Variants in WRAP53 observed in about 807,000 individuals in gnomAD.
The protein encoded by WRAP53 is telomerase Cajal body protein 1.
Under a neutral mutation model 56.6 loss-of-function variants are expected in WRAP53, and 28 were observed. The ratio of observed to expected loss-of-function variants is 0.50; its 90% CI spans 0.37 to 0.68. WRAP53 has a LOEUF of 0.68. WRAP53 is among the 30% of genes least tolerant of loss of function. The pLI is 0.00. For missense variants in WRAP53, 671 were observed against 715.5 expected (o/e 0.94, Z 0.71); for synonymous variants, 283 against 283.4 (o/e 1.00, Z 0.01).
chr17:7,700,066 T>C (rs183294622), intron 4 of WRAP53, among the ~76,000 whole-genome samples: 2 of 151,188 alleles, frequency 1.3e-5, no homozygotes, highest in Non-Finnish European at 3.0e-5. Flanking sequence ...CTTTTTTTTT[T>C]GGGGGGCACT....
chr17:7,699,522 T>TATTTATATATATATATATATA (rs1567577715), intron 4 of WRAP53, among the ~76,000 whole-genome samples: 1 of 14,106 alleles, frequency 7.1e-5, no homozygotes, highest in Non-Finnish European at 1.2e-4. Flanking sequence ...ATATATATAT[T>TATTTATATATATATATATATA]TATATATATA....
Position 7,689,731 on chromosome 17 carries a change from C to T in WRAP53, c.642+30C>T, listed in dbSNP as rs1386165469. The T allele has an allele frequency of 9.1e-6, 14 of 1,533,744 alleles. No individual in the cohort carries two copies. In the South Asian group the frequency reaches 1.5e-4, roughly 16 times the overall value. ...GGACTGGGGCTAACTGCCTCTTCAT[C>T]AATGCTGCACATTTAAGTCCTTCGT... On this transcript the variant is annotated intron_variant, in intron 4 of 10. Transcript: ENST00000396463.
intron 4 of WRAP53, among the ~76,000 whole-genome samples, chr17:7,693,675 A>G (rs6503052): frequency 0.3 from 45,317 of 151,894 alleles, 11,208 homozygotes; most frequent in African/African-American, 0.68. Flanking sequence ...AGCTGATCGC[A>G]CCACTGCACT....
chr17:7,701,763 G>A lies in WRAP53; in HGVS notation c.929G>A (p.Arg310Gln), dbSNP rs764895538. Residue 310 changes from arginine to glutamine, a missense_variant, in exon 7 of 11, where the codon CGA becomes CAA. Transcript: ENST00000396463. The surrounding 1 kb of genome is among the most constrained non-coding windows in gnomAD (Gnocchi z 4.2). ...GTTTTTTCCACGGCCCGGCCTGGCC[G>A]AGACTGCGAGGTCCGAGCCACATTT... Reference protein sequence around the residue: ...VRVFSTARPGRDCEVRATFAK... With the variant: ...VRVFSTARPGQDCEVRATFAK... The A allele has an allele frequency of 8.1e-6, 13 of 1,613,920 alleles. No homozygotes were observed. The highest frequency in any genetic ancestry group is 6.7e-5 in the African/African-American group (5 of 74,940).
rs199701086 is a variant in WRAP53 at position 7,703,402 on chromosome 17, G to C, written c.1563G>C (p.Gly521=). 7 of 1,612,490 alleles carry C rather than the reference G, an allele frequency of 4.3e-6. No homozygotes were observed. In the African/African-American group the frequency reaches 5.4e-5, roughly 12 times the overall value. Residue 521 remains glycine, a synonymous_variant, in exon 11 of 11, where the codon GGG becomes GGC. Transcript: ENST00000396463. The part of the protein sequence containing the change: ...ECRLQLWWCG[G]APDSSIPDDH... Reference sequence around the variant, plus strand: ...GGCTTCAGCTCTGGTGGTGTGGGGGGGCGCCAGACTCCAGCATCCCTGATG... The same window carrying C: ...GGCTTCAGCTCTGGTGGTGTGGGGGCGCGCCAGACTCCAGCATCCCTGATG...
chr17:7,699,494 A>ATTTT lies in WRAP53; in HGVS notation c.643-1246_643-1245insTTTT, dbSNP rs2074239151. ...TATATATTTATATATATATATATAT[A>ATTTT]TATATATTTATATATATATATATAT... is the stretch of plus-strand genomic sequence containing the variant. On this transcript the variant is annotated intron_variant, in intron 4 of 10. Coordinates refer to ENST00000396463, the MANE Select transcript of WRAP53 (RefSeq NM_001143992.2). 1.7e-4 allele frequency among the ~76,000 whole-genome samples: 2 copies of ATTTT among 11,660 alleles called. 1 individual carries two copies. The highest frequency in any genetic ancestry group is 2.8e-4 in the Non-Finnish European group (2 of 7,082). 7.6% of individuals were successfully genotyped at this position (11,660 alleles called of 152,430 possible).
Position 7,688,892 on chromosome 17 carries a change from G to C in WRAP53, c.244G>C (p.Glu82Gln). Reference protein sequence around the residue: ...PVSLSTPLETEFGSPSELSPR... With the variant: ...PVSLSTPLETQFGSPSELSPR... ...TTCTCTCTCCACTCCCCTGGAAACAGAGTTTGGTTCCCCTAGTGAGTTGAG... is the reference window on the plus strand; with the variant it reads ...TTCTCTCTCCACTCCCCTGGAAACACAGTTTGGTTCCCCTAGTGAGTTGAG... Residue 82 changes from glutamate to glutamine, a missense_variant, in exon 2 of 11, where the codon GAG becomes CAG. Glu to Gln is a conservative substitution (Grantham distance 29). This residue lies in a region of WRAP53 where 406 missense variants were observed against 418.5 expected (regional missense o/e 0.97). Coordinates refer to ENST00000396463, the MANE Select transcript of WRAP53 (RefSeq NM_001143992.2). The C allele has an allele frequency of 6.2e-7, 1 of 1,614,238 alleles. No homozygotes were observed. Among genetic ancestry groups the C allele is most frequent in the Non-Finnish European group, 8.5e-7 (1 of 1,180,056 alleles).
intron 4 of WRAP53, among the ~76,000 whole-genome samples, chr17:7,696,074 C>G (rs186833325): frequency 6.6e-6 from 1 of 152,064 alleles, no homozygotes; most frequent in East Asian, 1.9e-4. Context: ...AACAGGGGCG[C>G]CTTGCTTAGC....
In WRAP53 at chr17:7,689,620, T is replaced by C. The variant is rs1047359476; in HGVS notation, c.561T>C (p.Asn187=). ...WAPDGSCILT[N]SADNILRIYN... is the part of the protein sequence containing the mutation. ...CTGACGGTTCCTGCATCTTGACCAA[T>C]AGTGCTGATAACATCTTGCGAATTT... is the stretch of plus-strand genomic sequence containing the variant. The change falls in exon 4 of 11, where the codon AAT becomes AAC. Residue 187 remains asparagine (N), a synonymous_variant. Transcript: ENST00000396463. The C allele has an allele frequency of 1.2e-6, 2 of 1,613,920 alleles. No individual in the cohort carries two copies. The highest frequency in any genetic ancestry group is 1.7e-6 in the Non-Finnish European group (2 of 1,180,002).
chr17:7,689,554 G>T (rs779095345), intron 3 of WRAP53, 36 bp from the exon 4 acceptor site: 1 of 1,594,470 alleles, frequency 6.3e-7, no homozygotes, highest in Non-Finnish European at 8.6e-7. Context: ...GAAAAGCATA[G>T]GTCTGGCCAG....
intron 4 of WRAP53, among the ~76,000 whole-genome samples, chr17:7,698,703 C>T (rs140575436): frequency 0.024 from 3,568 of 151,830 alleles, 54 homozygotes; most frequent in African/African-American, 0.029. Flanking sequence ...GGTGAAACCC[C>T]GTCTCTACTA....
rs1043471019 is a variant in WRAP53 at position 7,688,681 on chromosome 17, G to C, written c.33G>C (p.Pro11=). Residue 11 remains proline, a synonymous_variant, in exon 2 of 11, where the codon CCG becomes CCC. Coordinates refer to ENST00000396463, the MANE Select transcript of WRAP53 (RefSeq NM_001143992.2). The part of the protein sequence containing the change: MKTLETQPLA[P]DCCPSDQDPA... ...CTTTGGAGACTCAACCGTTAGCTCC[G>C]GACTGCTGTCCTTCAGACCAGGACC... 61 of 1,614,050 alleles carry C rather than the reference G, an allele frequency of 3.8e-5. No individual in the cohort carries two copies. The highest frequency in any genetic ancestry group is 4.8e-5 in the Non-Finnish European group (57 of 1,180,038).
At chr17:7,687,072 C>G (rs2074008992), upstream of WRAP53, 1 of 376,138 alleles carries the variant, frequency 2.7e-6, no homozygotes, top group South Asian at 1.5e-4. Flanking sequence ...ACGCCCAGCA[C>G]CGGGTGGATG....
In WRAP53 at chr17:7,688,908, G is replaced by C; in HGVS notation, c.260G>C (p.Ser87Thr). 1 of 1,614,196 alleles carries C rather than the reference G, an allele frequency of 6.2e-7. No individual in the cohort carries two copies. Reference sequence around the variant, plus strand: ...CTGGAAACAGAGTTTGGTTCCCCTAGTGAGTTGAGTCCTCGAATCGAGGAG... The same window carrying C: ...CTGGAAACAGAGTTTGGTTCCCCTACTGAGTTGAGTCCTCGAATCGAGGAG... ...TPLETEFGSP[S>T]ELSPRIEEQE... Residue 87 changes from serine (S) to threonine (T), a missense_variant, in exon 2 of 11, where the codon AGT becomes ACT. Ser to Thr is a moderately conservative substitution (Grantham distance 58). Around this residue, in one of 3 missense-constraint regions of WRAP53, gnomAD observed 406 missense variants for 418.5 expected, o/e 0.97. Coordinates refer to ENST00000396463, the MANE Select transcript of WRAP53 (RefSeq NM_001143992.2).
rs185403670 is a variant in WRAP53 at position 7,698,214 on chromosome 17, A to G, written c.643-2527A>G. On this transcript the variant is annotated intron_variant, in intron 4 of 10. Coordinates refer to ENST00000396463, the MANE Select transcript of WRAP53 (RefSeq NM_001143992.2). ...GAGACCAGTAATTTTACTCTTCAGC[A>G]GAAACTGTAGAGAAACCCTTCTACA... is the stretch of plus-strand genomic sequence containing the variant. Among the ~76,000 whole-genome samples the G allele has an allele frequency of 1.8e-3, 273 of 152,336 alleles. 2 individuals are homozygous for G. Among genetic ancestry groups the G allele is most frequent in the African/African-American group, 6.4e-3 (265 of 41,570 alleles).
intron 4 of WRAP53, among the ~76,000 whole-genome samples, chr17:7,699,550 A>T (rs1240319396): frequency 9.8e-6 from 1 of 102,070 alleles, no homozygotes; most frequent in Non-Finnish European, 2.0e-5. Context: ...TCCTAAGGAA[A>T]TGTATGACAG....
intron 4 of WRAP53, among the ~76,000 whole-genome samples, chr17:7,700,535 G>C (rs2074259830): frequency 6.7e-6 from 1 of 150,094 alleles, no homozygotes; most frequent in African/African-American, 2.5e-5. Context: ...TGCATGCTCT[G>C]TCTCAAAATA....
chr17:7,699,438 ATTTATATATATATATATATT>A (rs2074228470), intron 4 of WRAP53, among the ~76,000 whole-genome samples: 2 of 85,186 alleles, frequency 2.3e-5, no homozygotes, highest in African/African-American at 1.2e-4. Flanking sequence ...AAAAAAAAAA[ATTTATATATATATATATATT>A]TATATATATA....
chr17:7,701,871 C>T lies in WRAP53; in HGVS notation c.955+82C>T. 6.4e-7 allele frequency: 1 copy of T among 1,556,350 alleles called. No individual in the cohort carries two copies. The highest frequency in any genetic ancestry group is 1.2e-5 in the South Asian group (1 of 85,926). On this transcript the variant is annotated intron_variant, in intron 7 of 10. Coordinates refer to ENST00000396463, the MANE Select transcript of WRAP53 (RefSeq NM_001143992.2). The surrounding 1 kb of genome is among the most constrained non-coding windows in gnomAD (Gnocchi z 4.2). ...GGGGCCTTTTGTGAGCCGGGGGCCA[C>T]CTGTGGGGGTTCACGCCGTCCTCTG...
Sources: gnomAD v4.1 joint callset for allele counts (sites outside exome capture counted in the v4.1 genomes callset) on GRCh38, gnomAD v4.1.1 for gene constraint, gnomAD v4.1.1 regional missense constraint, Gnocchi (gnomAD v3.1) non-coding constraint, MANE v1.5 for transcripts, NCBI Gene and HGNC (gene_info 2026-07-23, HGNC 2026-07-21) for gene names.